The following PTPRQ variants were observed in gnomAD, a reference collection of about 807,000 sequenced individuals.
The protein encoded by PTPRQ is protein tyrosine phosphatase receptor type Q.
Under a neutral mutation model 246.0 loss-of-function variants are expected in PTPRQ, and 199 were observed. The observed-to-expected ratio is 0.81, with a 90% CI of 0.72 to 0.91. The LOEUF (loss-of-function observed/expected upper bound fraction) is 0.91. PTPRQ is among the 40% of genes least tolerant of loss of function. The pLI is 0.00. For missense variants in PTPRQ, 2,624 were observed against 2,528.4 expected (o/e 1.04, Z -0.81); for synonymous variants, 869 against 853.2 (o/e 1.02, Z -0.32).
chr12:80,521,898 A>G (rs1176528157), intron 17 of PTPRQ, among the ~76,000 whole-genome samples: 1 of 152,192 alleles, frequency 6.6e-6, no homozygotes, highest in Non-Finnish European at 1.5e-5. Flanking sequence ...AATTCTGTGA[A>G]GAAAGTCATT....
At chr12:80,512,967 C>T (rs1480744389) in intron 17 of PTPRQ, among the ~76,000 whole-genome samples, 2 of 152,196 alleles carry the variant, frequency 1.3e-5, no homozygotes, top group African/African-American at 4.8e-5. Context: ...CTGCTCAAAC[C>T]TCTAGGGGGA....
intron 41 of PTPRQ, 125 bp from the exon 42 acceptor site, chr12:80,670,219 A>G: frequency 7.3e-7 from 1 of 1,364,004 alleles, no homozygotes; most frequent in Non-Finnish European, 9.9e-7. Context: ...TAATGAAAAC[A>G]TTTTATTTGG....
At position 80,621,472 on chromosome 12, in the gene PTPRQ, A is replaced by G. The variant is rs1203704840; in HGVS notation, c.5613-589A>G. Reference sequence around the variant, plus strand: ...TTATTTTTAAATTAAGTAAATTTCAATTGTCTCTGAGGATCTTAGATTCTT... The same window carrying G: ...TTATTTTTAAATTAAGTAAATTTCAGTTGTCTCTGAGGATCTTAGATTCTT... On this transcript the variant is annotated intron_variant, in intron 32 of 44. Transcript: ENST00000644991. Among the ~76,000 whole-genome samples the G allele has an allele frequency of 3.3e-5, 5 of 152,010 alleles. No individual in the cohort carries two copies. The East Asian group carries it at 9.7e-4, about 30-fold the overall frequency.
rs1897676798 is a variant in PTPRQ, at chr12:80,588,114, C to A, written c.4286-15C>A. 1.3e-6 allele frequency: 2 copies of A among 1,496,654 alleles called. No individual in the cohort carries two copies. Among genetic ancestry groups the A allele is most frequent in the African/African-American group, 1.4e-5 (1 of 70,642 alleles). 92.7% of individuals were successfully genotyped at this position (1,496,654 alleles called of 1,614,324 possible). ...GTAATTGTAACTGCTTTTAATTTTT[C>A]CCTTTAATTTTTAGTTCCCAGTGTT... On this transcript the variant is annotated splice_polypyrimidine_tract_variant and intron_variant, in intron 25 of 44. Coordinates refer to ENST00000644991, the MANE Select transcript of PTPRQ (RefSeq NM_001145026.2).
At chr12:80,526,094 T>C (rs117477013) in intron 17 of PTPRQ, 4 of 152,142 alleles carry the variant, frequency 2.6e-5, no homozygotes, top group Admixed American at 2.6e-4. Flanking sequence ...TAATTTAACC[T>C]CTCTAATGCT....
intron 28 of PTPRQ, among the ~76,000 whole-genome samples, chr12:80,612,378 C>T (rs977566922): frequency 6.7e-6 from 1 of 150,360 alleles, no homozygotes; most frequent in African/African-American, 2.4e-5. Context: ...ACAAAGGAGA[C>T]ATTGTTGGTA....
rs1400331385 is a variant in PTPRQ, at chr12:80,642,918, T to TCAAAAA, written c.5916-5979_5916-5978insCAAAAA. Among the ~76,000 whole-genome samples, 333 of 69,340 alleles carry TCAAAAA rather than the reference T, an allele frequency of 4.8e-3. 44 individuals are homozygous for TCAAAAA. The highest frequency in any genetic ancestry group is 0.043 in the African/African-American group (321 of 7,512). The allele number at this position is 69,340 out of a possible 152,430, so 45.5% of individuals were successfully genotyped here. On this transcript the variant is annotated intron_variant, in intron 35 of 44. Transcript: ENST00000644991. ...CTGGGCGACAGAGCGAGACTCCGTCTTAAAAAAAAAAAAAAAAAAAAAAAA... is the reference window on the plus strand; with the variant it reads ...CTGGGCGACAGAGCGAGACTCCGTCTCAAAAATAAAAAAAAAAAAAAAAAAAAAAAA...
chr12:80,622,203 T>C, intron 33 of PTPRQ, 69 bp downstream of exon 33: 1 of 1,134,982 alleles, frequency 8.8e-7, no homozygotes, highest in Middle Eastern at 2.1e-4. Context: ...TATTAGTAAA[T>C]GTATTAATCC....
chr12:80,501,971 C>A (rs1021383220), intron 14 of PTPRQ, among the ~76,000 whole-genome samples: 1 of 151,304 alleles, frequency 6.6e-6, no homozygotes, highest in Non-Finnish European at 1.5e-5. Context: ...TGAGGAATGG[C>A]AAATTTTGAG....
rs1044618968 is a variant in PTPRQ, at chr12:80,616,110, T to C, written c.5164-90T>C. ...ATATATATATAACTATATATATACA[T>C]ACATATATAGATACATGCATATATA... On this transcript the variant is annotated intron_variant, in intron 29 of 44. Transcript: ENST00000644991. 75 of 764,538 alleles carry C rather than the reference T, an allele frequency of 9.8e-5. 1 individual carries two copies. In the East Asian group the frequency reaches 3.7e-3, roughly 38 times the overall value. 47.4% of individuals were successfully genotyped at this position (764,538 alleles called of 1,614,324 possible).
chr12:80,465,487 C>A (rs1893363721), intron 6 of PTPRQ: 1 of 152,164 alleles, frequency 6.6e-6, no homozygotes, highest in Non-Finnish European at 1.5e-5. Flanking sequence ...AAGAGGGAAT[C>A]CTCCCTAACT....
chr12:80,608,251 T>A (rs188600739), intron 27 of PTPRQ, among the ~76,000 whole-genome samples: 35 of 150,664 alleles, frequency 2.3e-4, no homozygotes, highest in Admixed American at 4.0e-4. Context: ...TTTATAACAA[T>A]AGATTATCAA....
intron 8 of PTPRQ, among the ~76,000 whole-genome samples, chr12:80,483,446 C>A (rs1203396586): frequency 1.3e-5 from 2 of 148,878 alleles, no homozygotes; most frequent in African/African-American, 2.5e-5. Context: ...TTAGTGGGTG[C>A]AGCGCACCAG....
At position 80,679,092 on chromosome 12, in the gene PTPRQ, C is replaced by G. The variant is rs781562950; in HGVS notation, c.*69C>G. The G allele has an allele frequency of 4.0e-6, 6 of 1,515,018 alleles. No individual in the cohort carries two copies. The highest frequency in any genetic ancestry group is 5.3e-6 in the Non-Finnish European group (6 of 1,130,970). 93.8% of individuals were successfully genotyped at this position (1,515,018 alleles called of 1,614,324 possible). On this transcript the variant is annotated 3_prime_UTR_variant, in exon 45 of 45. Transcript: ENST00000644991. The stretch of plus-strand genomic sequence containing the variant: ...CAGGGGCCAAAGTTACCCCCTCATT[C>G]TTCCGAATTGAAATGTGCAACCTTA...
rs74853109 is a variant in PTPRQ, at chr12:80,565,119, A to G, written c.4285+15385A>G. On this transcript the variant is annotated intron_variant, in intron 25 of 44. Coordinates refer to ENST00000644991, the MANE Select transcript of PTPRQ (RefSeq NM_001145026.2). ...AAATGTTTAAAGTTCCTACATTCAT[A>G]TCACATTTTTTATCTTGGATCAGTT... 7.9e-3 allele frequency among the ~76,000 whole-genome samples: 1,201 copies of G among 152,350 alleles called. 39 individuals are homozygous for G. The East Asian group carries it at 0.096, about 12-fold the overall frequency.
intron 25 of PTPRQ, among the ~76,000 whole-genome samples, chr12:80,586,437 C>T (rs961966072): frequency 4.6e-5 from 7 of 151,130 alleles, no homozygotes; most frequent in East Asian, 1.9e-4. Flanking sequence ...AACACTTTTA[C>T]ACTGTTGGTG....
chr12:80,498,445 G>A (rs1480685142), intron 14 of PTPRQ, among the ~76,000 whole-genome samples: 1 of 152,076 alleles, frequency 6.6e-6, no homozygotes, highest in Non-Finnish European at 1.5e-5. Flanking sequence ...ATAAAGTAGT[G>A]TAGAAGAAAA....
intron 27 of PTPRQ, among the ~76,000 whole-genome samples, chr12:80,608,616 A>C (rs1019534669): frequency 6.7e-6 from 1 of 148,878 alleles, no homozygotes; most frequent in Non-Finnish European, 1.5e-5. Flanking sequence ...AATTTATAAG[A>C]TCAAACCCAG....
intron 25 of PTPRQ, among the ~76,000 whole-genome samples, chr12:80,554,569 T>C (rs1372042475): frequency 6.6e-6 from 1 of 152,108 alleles, no homozygotes; most frequent in Non-Finnish European, 1.5e-5. Context: ...AAGTAAAATG[T>C]GTATTTCTGG....
Sources: allele counts gnomAD v4.1 joint callset (sites outside exome capture counted in the v4.1 genomes callset), GRCh38; gene constraint gnomAD v4.1.1; transcripts MANE v1.5; gene names NCBI Gene and HGNC (gene_info 2026-07-23, HGNC 2026-07-21).